The following PARD3 variants were observed in gnomAD, a reference collection of about 807,000 sequenced individuals.
The protein encoded by PARD3 is par-3 family cell polarity regulator, also known as partitioning defective 3 homolog.
In PARD3, 75 loss-of-function variants were observed where a neutral mutation model predicts 155.4. That is an observed-to-expected ratio of 0.48 (90% CI 0.40 to 0.58). The LOEUF is 0.58. Among genes scored for constraint, PARD3 ranks in the 20% least tolerant of loss-of-function variants. PARD3 has a pLI of 0.00. For missense variants in PARD3, 1,642 were observed against 1,721.7 expected (o/e 0.95, Z 0.82); for synonymous variants, 576 against 610.5 (o/e 0.94, Z 0.83).
In PARD3 at chr10:34,399,827, T is replaced by C. The variant is rs76594031; in HGVS notation, c.807-414A>G. Among the ~76,000 whole-genome samples, 455 of 152,346 alleles carry C rather than the reference T, an allele frequency of 3.0e-3. 2 individuals carry two copies. Among genetic ancestry groups the C allele is most frequent in the African/African-American group, 0.01 (431 of 41,592 alleles). On this transcript the variant is annotated intron_variant, in intron 6 of 24. Coordinates refer to ENST00000374788, the MANE Select transcript of PARD3 (RefSeq NM_001184785.2). ...TCTAAAGATTAACTGAACAAAGATG[T>C]TGCAGCTACCAAGGACTCTAAAGAT...
intron 20 of PARD3, among the ~76,000 whole-genome samples, chr10:34,307,048 G>A (rs1384088578): frequency 4.9e-5 from 4 of 81,848 alleles, no homozygotes; most frequent in South Asian, 3.8e-4. Flanking sequence ...CACCACGCCC[G>A]GCTAATTTTT....
At chr10:34,567,541 A>G (rs1176402050) in intron 2 of PARD3, among the ~76,000 whole-genome samples, 1 of 152,250 alleles carries the variant, frequency 6.6e-6, no homozygotes, top group Non-Finnish European at 1.5e-5. Context: ...GGTTTGACTT[A>G]GCATCAAACA....
At chr10:34,293,559 G>A (rs567812546) in intron 20 of PARD3, among the ~76,000 whole-genome samples, 8 of 152,160 alleles carry the variant, frequency 5.3e-5, no homozygotes, top group Non-Finnish European at 7.4e-5. Flanking sequence ...CATTGAAATC[G>A]GTCATGTCCA....
chr10:34,284,464 T>C (rs1158997344), intron 20 of PARD3, among the ~76,000 whole-genome samples: 2 of 152,198 alleles, frequency 1.3e-5, no homozygotes, highest in African/African-American at 4.8e-5. Flanking sequence ...TTGAGGGAAA[T>C]GATCTCAATA....
intron 22 of PARD3, among the ~76,000 whole-genome samples, chr10:34,219,448 G>A (rs994648764): frequency 1.6e-4 from 24 of 152,098 alleles, no homozygotes; most frequent in African/African-American, 5.3e-4. Flanking sequence ...TTTAGCGGGG[G>A]TATGCACCCC....
chr10:34,678,509 T>C lies in PARD3; in HGVS notation c.222+17809A>G, dbSNP rs188032794. Among the ~76,000 whole-genome samples the C allele has an allele frequency of 2.4e-4, 36 of 152,306 alleles. No individual in the cohort carries two copies. The East Asian group carries it at 6.7e-3, about 29-fold the overall frequency. On this transcript the variant is annotated intron_variant, in intron 2 of 24. Coordinates refer to ENST00000374788, the MANE Select transcript of PARD3 (RefSeq NM_001184785.2). ...CAACTAATCCTTTTTAGTGAGATGT[T>C]TGGGTAACATCAGGGTCTCCATTAA...
At chr10:34,607,878 C>G (rs2090590276) in intron 2 of PARD3, among the ~76,000 whole-genome samples, 1 of 152,166 alleles carries the variant, frequency 6.6e-6, no homozygotes, top group Non-Finnish European at 1.5e-5. Context: ...TTTGTGGATA[C>G]CACCCACCCT....
intron 12 of PARD3, among the ~76,000 whole-genome samples, chr10:34,368,315 A>G (rs1181912712): frequency 6.6e-6 from 1 of 152,198 alleles, no homozygotes; most frequent in African/African-American, 2.4e-5. Flanking sequence ...CGGTTAGGGT[A>G]AGCCTCATGA....
rs142949300 is a variant in PARD3, at chr10:34,543,645, A to G, written c.223-26486T>C. On this transcript the variant is annotated intron_variant, in intron 2 of 24. Transcript: ENST00000374788. ...AGAACAAACTACAAAGTCTTAAGTT[A>G]GAGGTTTTGTCAAAAATATTTTTTT... Among the ~76,000 whole-genome samples, 374 of 152,358 alleles carry G rather than the reference A, an allele frequency of 2.5e-3. 3 individuals are homozygous for G. Among genetic ancestry groups the G allele is most frequent in the African/African-American group, 8.4e-3 (350 of 41,594 alleles).
intron 2 of PARD3, among the ~76,000 whole-genome samples, chr10:34,538,975 T>G (rs1285351788): frequency 2.6e-5 from 4 of 152,342 alleles, no homozygotes; most frequent in African/African-American, 7.2e-5. Flanking sequence ...AAATTTTTCA[T>G]AAGTTTGTTA....
At chr10:34,562,676 C>T (rs1016758727) in intron 2 of PARD3, among the ~76,000 whole-genome samples, 2 of 151,994 alleles carry the variant, frequency 1.3e-5, no homozygotes, top group African/African-American at 4.8e-5. Flanking sequence ...TAGTGTCAAC[C>T]AAATGATACA....
intron 1 of PARD3, among the ~76,000 whole-genome samples, chr10:34,723,466 C>T (rs1420830246): frequency 6.6e-6 from 1 of 152,090 alleles, no homozygotes; most frequent in Non-Finnish European, 1.5e-5. Context: ...TGCTTTTTTC[C>T]TTAAAGAAGC....
At chr10:34,665,419 C>G (rs1222216615) in intron 2 of PARD3, among the ~76,000 whole-genome samples, 3 of 151,826 alleles carry the variant, frequency 2.0e-5, no homozygotes, top group Admixed American at 2.0e-4. Context: ...CCTCAGGAGG[C>G]TGAGGTAGGA....
intron 2 of PARD3, among the ~76,000 whole-genome samples, chr10:34,544,383 T>TA (rs1440500142): frequency 6.6e-5 from 10 of 152,160 alleles, no homozygotes; most frequent in Non-Finnish European, 4.4e-5. Flanking sequence ...TCCTTAATAA[T>TA]AAAAAACAAT....
chr10:34,799,491 C>T (rs1190629018), intron 1 of PARD3, among the ~76,000 whole-genome samples: 1 of 152,176 alleles, frequency 6.6e-6, no homozygotes, highest in Middle Eastern at 3.2e-3. Flanking sequence ...CTTTTTTACC[C>T]TCACTAGCCT....
intron 22 of PARD3, among the ~76,000 whole-genome samples, chr10:34,186,045 C>T (rs1383559675): frequency 6.6e-6 from 1 of 151,934 alleles, no homozygotes; most frequent in Non-Finnish European, 1.5e-5. Flanking sequence ...TGAAGGAGCT[C>T]AGCCTGAACT....
intron 2 of PARD3, among the ~76,000 whole-genome samples, chr10:34,626,664 T>C (rs1347976471): frequency 2.0e-5 from 3 of 152,238 alleles, no homozygotes; most frequent in African/African-American, 7.2e-5. Context: ...CTAACTCATA[T>C]TTGGATGCAA....
chr10:34,678,388 G>GA (rs773204744), intron 2 of PARD3, among the ~76,000 whole-genome samples: 76 of 151,878 alleles, frequency 5.0e-4, no homozygotes, highest in Admixed American at 1.0e-3. Flanking sequence ...GTATTTTTCA[G>GA]AAAAAAATAT....
chr10:34,485,451 T>C (rs1417092440), intron 3 of PARD3, among the ~76,000 whole-genome samples: 4 of 152,130 alleles, frequency 2.6e-5, no homozygotes, highest in Non-Finnish European at 5.9e-5. Flanking sequence ...ATTTTATACA[T>C]TTTAGGGGAC....
Sources: allele counts gnomAD v4.1 joint callset (sites outside exome capture counted in the v4.1 genomes callset), GRCh38; gene constraint gnomAD v4.1.1; transcripts MANE v1.5; gene names NCBI Gene and HGNC (gene_info 2026-07-23, HGNC 2026-07-21).